DCDC2: variants seen among roughly 807,000 people sequenced by gnomAD.
The protein encoded by DCDC2 is doublecortin domain-containing protein 2.
A neutral mutation model predicts 50.2 loss-of-function variants in DCDC2; 40 were observed. The observed-to-expected ratio is 0.80, with a 90% CI of 0.62 to 1.04. The LOEUF (loss-of-function observed/expected upper bound fraction) is 1.04. DCDC2 is among the 50% of genes least tolerant of loss of function. DCDC2 has a pLI of 0.00. For missense variants in DCDC2, 570 were observed against 581.9 expected (o/e 0.98, Z 0.21); for synonymous variants, 234 against 210.6 (o/e 1.11, Z -0.96).
At chr6:24,218,848 C>T (rs1194002173) in intron 7 of DCDC2, among the ~76,000 whole-genome samples, 1 of 152,134 alleles carries the variant, frequency 6.6e-6, no homozygotes, top group African/African-American at 2.4e-5. Context: ...GAAAATATTC[C>T]TCTCAAGCAT....
chr6:24,345,289 T>C (rs1156359900), intron 2 of DCDC2, among the ~76,000 whole-genome samples: 1 of 152,152 alleles, frequency 6.6e-6, no homozygotes, highest in Non-Finnish European at 1.5e-5. Context: ...AGCCTTTAAG[T>C]AGGAAATCCT....
At chr6:24,230,089 A>C (rs984913225) in intron 7 of DCDC2, among the ~76,000 whole-genome samples, 1 of 152,230 alleles carries the variant, frequency 6.6e-6, no homozygotes, top group African/African-American at 2.4e-5. Context: ...GAAAACTTAA[A>C]ACATAAAGTT....
chr6:24,326,909 C>G (rs1759879886), intron 2 of DCDC2, among the ~76,000 whole-genome samples: 1 of 149,056 alleles, frequency 6.7e-6, no homozygotes, highest in South Asian at 2.2e-4. Flanking sequence ...CTCATTTAAC[C>G]CATACCATAC....
chr6:24,306,678 T>G (rs1052737235), intron 2 of DCDC2, among the ~76,000 whole-genome samples: 11 of 152,324 alleles, frequency 7.2e-5, no homozygotes, highest in African/African-American at 2.6e-4. Context: ...GTGCAGAATT[T>G]GGATACAAAT....
intron 2 of DCDC2, among the ~76,000 whole-genome samples, chr6:24,311,011 C>T (rs1307177036): frequency 6.6e-6 from 1 of 152,216 alleles, no homozygotes; most frequent in Non-Finnish European, 1.5e-5. Flanking sequence ...CCTCTAGCAT[C>T]TTTCCTCTCT....
intron 6 of DCDC2, among the ~76,000 whole-genome samples, chr6:24,281,266 C>G (rs1190945013): frequency 6.6e-6 from 1 of 151,632 alleles, no homozygotes; most frequent in Non-Finnish European, 1.5e-5. Flanking sequence ...TTTCCAGGAA[C>G]TTTGTGAGTA....
At chr6:24,349,476 AGTAAG>A (rs1760324642) in intron 2 of DCDC2, among the ~76,000 whole-genome samples, 1 of 152,222 alleles carries the variant, frequency 6.6e-6, no homozygotes, top group African/African-American at 2.4e-5. Context: ...TAGGGGCAAG[AGTAAG>A]TGCTGGTAAA....
At chr6:24,274,605 C>CAAAAAAAAAAAAAAAAAAAA (rs61569208) in intron 7 of DCDC2, among the ~76,000 whole-genome samples, 34 of 82,404 alleles carry the variant, frequency 4.1e-4, no homozygotes, top group Non-Finnish European at 4.6e-4. Flanking sequence ...GAAACAGAGT[C>CAAAAAAAAAAAAAAAAAAAA]AAAAAAAAAA....
chr6:24,247,432 T>C (rs1762703612), intron 7 of DCDC2, among the ~76,000 whole-genome samples: 1 of 152,174 alleles, frequency 6.6e-6, no homozygotes, highest in Admixed American at 6.5e-5. Context: ...CTGAACTTAC[T>C]GTAGGCTTTT....
intron 2 of DCDC2, among the ~76,000 whole-genome samples, chr6:24,314,033 C>T (rs1759617742): frequency 6.6e-6 from 1 of 152,160 alleles, no homozygotes; most frequent in Non-Finnish European, 1.5e-5. Flanking sequence ...GTCACTTCAC[C>T]AATATGGGTG....
chr6:24,221,086 T>C (rs558362190), intron 7 of DCDC2, among the ~76,000 whole-genome samples: 3 of 152,232 alleles, frequency 2.0e-5, no homozygotes, highest in East Asian at 1.9e-4. Context: ...AGCCAAGCCA[T>C]ATCATCCACA....
intron 7 of DCDC2, among the ~76,000 whole-genome samples, chr6:24,249,657 G>A (rs1762757329): frequency 6.6e-6 from 1 of 152,150 alleles, no homozygotes; most frequent in Non-Finnish European, 1.5e-5. Flanking sequence ...AAGAGATGGG[G>A]AGTAAAGACA....
At chr6:24,320,546 G>A (rs1378620331) in intron 2 of DCDC2, among the ~76,000 whole-genome samples, 1 of 152,056 alleles carries the variant, frequency 6.6e-6, no homozygotes, top group African/African-American at 2.4e-5. Context: ...TGGCCAGGCT[G>A]GCCTCAAAAT....
chr6:24,234,289 G>A (rs958285415), intron 7 of DCDC2, among the ~76,000 whole-genome samples: 1 of 152,046 alleles, frequency 6.6e-6, no homozygotes, highest in African/African-American at 2.4e-5. Context: ...AATGTAGTGA[G>A]CGATCAAGCC....
the DCDC2 span, among the ~76,000 whole-genome samples, chr6:24,372,220 G>A: frequency 6.6e-6 from 1 of 152,156 alleles, no homozygotes; most frequent in Non-Finnish European, 1.5e-5. Context: ...AGGAGATTGA[G>A]ACCATCCTGG....
the DCDC2 span, among the ~76,000 whole-genome samples, chr6:24,380,754 G>A: frequency 6.6e-6 from 1 of 152,166 alleles, no homozygotes; most frequent in African/African-American, 2.4e-5. Flanking sequence ...AAAGAGATGG[G>A]CTTTGGCTTA....
chr6:24,203,703 C>G (rs1171290817), intron 8 of DCDC2, among the ~76,000 whole-genome samples: 1 of 152,068 alleles, frequency 6.6e-6, no homozygotes, highest in Non-Finnish European at 1.5e-5. Flanking sequence ...GAACAGGCAA[C>G]CTACAGAATG....
At chr6:24,372,853 A>C in the DCDC2 span, among the ~76,000 whole-genome samples, 1 of 152,212 alleles carries the variant, frequency 6.6e-6, no homozygotes, top group Non-Finnish European at 1.5e-5. Flanking sequence ...CCAACATGGC[A>C]CATGTATACA....
chr6:24,344,203 T>C (rs988019401), intron 2 of DCDC2, among the ~76,000 whole-genome samples: 3 of 152,102 alleles, frequency 2.0e-5, no homozygotes, highest in African/African-American at 7.2e-5. Flanking sequence ...GTGAGCTTCA[T>C]TGCTACTCAG....
Sources: allele counts gnomAD v4.1 joint callset (sites outside exome capture counted in the v4.1 genomes callset), GRCh38; gene constraint gnomAD v4.1.1; transcripts MANE v1.5; gene names NCBI Gene and HGNC (gene_info 2026-07-23, HGNC 2026-07-21).